Variants in COL24A1 observed in about 807,000 individuals in gnomAD.
COL24A1 encodes collagen type XXIV alpha 1 chain.
COL24A1 carries 224 observed loss-of-function variants against 253.9 expected under a neutral mutation model. That is an observed-to-expected ratio of 0.88 (90% CI 0.79 to 0.99). COL24A1 has a LOEUF of 0.99. Among genes scored for constraint, COL24A1 ranks in the 50% least tolerant of loss-of-function variants. The probability of loss-of-function intolerance (pLI) is 0.00; values close to 1 mark genes in which losing one functional copy is unlikely to be tolerated. For missense variants in COL24A1, 2,131 were observed against 2,068.5 expected, an observed-to-expected ratio of 1.03 and a Z score of -0.59; for synonymous variants, 685 against 673.7, an observed-to-expected ratio of 1.02 and a Z score of -0.26.
chr1:85,977,381 C>A (rs928724877), intron 20 of COL24A1, among the ~76,000 whole-genome samples: 70 of 152,100 alleles, frequency 4.6e-4, no homozygotes, highest in African/African-American at 1.6e-3. Context: ...CTCTGAATTG[C>A]CAGATAAAGA....
chr1:85,785,459 C>A (rs990279281), intron 48 of COL24A1, among the ~76,000 whole-genome samples: 1 of 152,164 alleles, frequency 6.6e-6, no homozygotes, highest in Non-Finnish European at 1.5e-5. Context: ...CTCTCACTGT[C>A]TTGAGACAAA....
Position 86,059,170 on chromosome 1 carries a change from A to G in COL24A1, c.1757T>C (p.Ile586Thr), listed in dbSNP as rs2101746766. The G allele has an allele frequency of 6.2e-7, 1 of 1,610,170 alleles. No individual in the cohort carries two copies. The highest frequency in any genetic ancestry group is 8.5e-7 in the Non-Finnish European group (1 of 1,177,594). ...ACCAATATTACCAGCAAATCCTGGA[A>G]TTCCCTGAAATAATAAATAAAATGA... ...GLPGLPGEQG[I>T]PGFAGNIGSP... Residue 586 changes from isoleucine to threonine, a missense_variant, in exon 9 of 60, where the codon ATT (isoleucine) becomes ACT (threonine). Ile to Thr is a moderately conservative substitution (Grantham distance 89). Transcript: ENST00000370571.
chr1:85,958,415 C>T (rs1690697442), intron 24 of COL24A1, among the ~76,000 whole-genome samples: 1 of 151,994 alleles, frequency 6.6e-6, no homozygotes, highest in African/African-American at 2.4e-5. Context: ...CTTTCTGTGA[C>T]TATTTAATAT....
chr1:85,973,127 G>C (rs372587242), intron 20 of COL24A1, among the ~76,000 whole-genome samples: 14 of 152,284 alleles, frequency 9.2e-5, no homozygotes, highest in African/African-American at 3.4e-4. Context: ...ACACTGACTG[G>C]AGGTACAGAA....
intron 19 of COL24A1, among the ~76,000 whole-genome samples, chr1:85,994,319 T>C (rs538306069): frequency 1.3e-5 from 2 of 151,244 alleles, no homozygotes; most frequent in Non-Finnish European, 2.9e-5. Context: ...TTATATTCAA[T>C]AAACATTCAA....
intron 24 of COL24A1, among the ~76,000 whole-genome samples, chr1:85,945,002 GTTTTTTTTTTTT>G (rs1165341082): frequency 2.1e-3 from 75 of 35,354 alleles, no homozygotes; most frequent in Non-Finnish European, 2.2e-3. Context: ...CTATCATTGT[GTTTTTTTTTTTT>G]TTTTTTTTTT....
At chr1:85,819,199 T>C (rs903792940) in intron 45 of COL24A1, among the ~76,000 whole-genome samples, 2 of 152,186 alleles carry the variant, frequency 1.3e-5, no homozygotes, top group African/African-American at 4.8e-5. Context: ...GTTAGTGACC[T>C]GGGTTTAATT....
At chr1:86,144,413 C>T (rs1028750154) in intron 2 of COL24A1, among the ~76,000 whole-genome samples, 10 of 152,030 alleles carry the variant, frequency 6.6e-5, no homozygotes, top group African/African-American at 1.9e-4. Context: ...TGGCTGGCAA[C>T]TGTGAAGCTA....
intron 45 of COL24A1, among the ~76,000 whole-genome samples, chr1:85,823,195 G>T (rs760370097): frequency 6.6e-6 from 1 of 152,022 alleles, no homozygotes; most frequent in Non-Finnish European, 1.5e-5. Flanking sequence ...AGGTTTGACT[G>T]ATTTTTTTTA....
intron 5 of COL24A1, among the ~76,000 whole-genome samples, chr1:86,104,205 G>C (rs1704730965): frequency 6.6e-6 from 1 of 151,836 alleles, no homozygotes; most frequent in African/African-American, 2.4e-5. Context: ...AAATTCTTAT[G>C]TGTTTTTTTC....
chr1:85,947,594 G>A (rs996218513), intron 24 of COL24A1, among the ~76,000 whole-genome samples: 2 of 152,090 alleles, frequency 1.3e-5, no homozygotes, highest in African/African-American at 4.8e-5. Flanking sequence ...ACAATAAAGA[G>A]CCTCTGATAA....
chr1:86,090,014 G>A (rs549854780), intron 6 of COL24A1, among the ~76,000 whole-genome samples: 1 of 152,256 alleles, frequency 6.6e-6, no homozygotes, highest in East Asian at 1.9e-4. Flanking sequence ...AGGCACTTCC[G>A]CTTCTGGAGC....
At position 85,877,181 on chromosome 1, in the gene COL24A1, T is replaced by C; in HGVS notation, c.2977-6A>G. 3.1e-6 allele frequency: 5 copies of C among 1,589,096 alleles called. No homozygotes were observed. The highest frequency in any genetic ancestry group is 2.3e-5 in the South Asian group (2 of 86,044). ...CCTTGCAGTCCTCGCAGTCCCTATA[T>C]TAAAATAAAATTTAAGATATGAGAA... On this transcript the variant is annotated splice_region_variant and splice_polypyrimidine_tract_variant and intron_variant, in intron 32 of 59. Transcript: ENST00000370571.
intron 19 of COL24A1, among the ~76,000 whole-genome samples, chr1:85,990,244 T>C (rs1025857299): frequency 6.6e-6 from 1 of 152,208 alleles, no homozygotes; most frequent in Non-Finnish European, 1.5e-5. Flanking sequence ...GATAAATCAA[T>C]AAATCCTGTC....
At chr1:85,999,001 G>A (rs1695138796) in intron 19 of COL24A1, among the ~76,000 whole-genome samples, 1 of 152,180 alleles carries the variant, frequency 6.6e-6, no homozygotes, top group African/African-American at 2.4e-5. Flanking sequence ...TAAATTGTTG[G>A]CTTGCAAATG....
chr1:85,758,219 G>T (rs1666463586), intron 55 of COL24A1, among the ~76,000 whole-genome samples: 2 of 152,016 alleles, frequency 1.3e-5, no homozygotes, highest in South Asian at 4.2e-4. Context: ...CTCATTTCAG[G>T]TCACACCCCT....
intron 31 of COL24A1, 118 bp from the exon 32 acceptor site, chr1:85,889,731 CTT>C (rs367651086): frequency 0.017 from 10,512 of 605,090 alleles, no homozygotes; most frequent in South Asian, 0.023. Flanking sequence ...TATTGCTATT[CTT>C]TTTTTTTTTT....
At chr1:86,003,224 G>A (rs1695606810) in intron 19 of COL24A1, among the ~76,000 whole-genome samples, 1 of 152,132 alleles carries the variant, frequency 6.6e-6, no homozygotes, top group Non-Finnish European at 1.5e-5. Context: ...AAGGACACTT[G>A]ACTATGGGAC....
intron 45 of COL24A1, among the ~76,000 whole-genome samples, chr1:85,822,666 T>C (rs547221885): frequency 6.6e-6 from 1 of 152,206 alleles, no homozygotes; most frequent in South Asian, 2.1e-4. Flanking sequence ...TGACAATGAT[T>C]CTTTGCTTGG....
Sources: allele counts gnomAD v4.1 joint callset (sites outside exome capture counted in the v4.1 genomes callset), GRCh38; gene constraint gnomAD v4.1.1; transcripts MANE v1.5; gene names NCBI Gene and HGNC (gene_info 2026-07-23, HGNC 2026-07-21).